The following GRIN2B variants were observed in gnomAD, a reference collection of about 807,000 sequenced individuals.
The protein encoded by GRIN2B is glutamate ionotropic receptor NMDA type subunit 2B.
In GRIN2B, 5 loss-of-function variants were observed where a neutral mutation model predicts 114.5. The ratio of observed to expected loss-of-function variants is 0.04; its 90% CI spans 0.02 to 0.09. GRIN2B has a LOEUF of 0.09. Among genes scored for constraint, GRIN2B ranks in the 10% least tolerant of loss-of-function variants. GRIN2B has a pLI of 1.00. For synonymous variants in GRIN2B, 787 were observed against 745.1 expected, an observed-to-expected ratio of 1.06 and a Z score of -0.92; for missense variants, 1,108 against 1,943.5, an observed-to-expected ratio of 0.57 and a Z score of 8.08.
At chr12:13,668,959 C>T (rs1389236692) in intron 5 of GRIN2B, among the ~76,000 whole-genome samples, 7 of 105,688 alleles carry the variant, frequency 6.6e-5, no homozygotes, top group Admixed American at 1.2e-4. Flanking sequence ...AAGAGAGGGG[C>T]GGTTGGAAGG....
intron 3 of GRIN2B, among the ~76,000 whole-genome samples, chr12:13,761,299 T>C (rs1863675886): frequency 6.6e-6 from 1 of 152,230 alleles, no homozygotes; most frequent in Admixed American, 6.5e-5. Flanking sequence ...CCTCCCTGAC[T>C]GAGTCTCTCT....
intron 12 of GRIN2B, among the ~76,000 whole-genome samples, chr12:13,568,451 C>G (rs1415818702): frequency 6.6e-6 from 1 of 152,192 alleles, no homozygotes; most frequent in Non-Finnish European, 1.5e-5. Context: ...CTTTGAGTGA[C>G]AGCTACACTA....
intron 3 of GRIN2B, among the ~76,000 whole-genome samples, chr12:13,813,089 G>A (rs867817572): frequency 1.3e-5 from 2 of 151,700 alleles, no homozygotes; most frequent in South Asian, 2.1e-4. Context: ...ACAGACGTCC[G>A]CCACCACTCC....
intron 3 of GRIN2B, among the ~76,000 whole-genome samples, chr12:13,821,520 G>A (rs1001599891): frequency 6.6e-6 from 1 of 152,180 alleles, no homozygotes; most frequent in African/African-American, 2.4e-5. Context: ...GGCCAGGTGA[G>A]CAATAGAATG....
chr12:13,600,588 A>T (rs149981304), intron 10 of GRIN2B, among the ~76,000 whole-genome samples: 1 of 152,198 alleles, frequency 6.6e-6, no homozygotes, highest in Non-Finnish European at 1.5e-5. Context: ...TTGATGAGAA[A>T]AGAGTTCCCT....
At chr12:13,752,333 G>C (rs747547967) in intron 4 of GRIN2B, among the ~76,000 whole-genome samples, 11 of 152,146 alleles carry the variant, frequency 7.2e-5, no homozygotes, top group Non-Finnish European at 1.5e-4. Context: ...CTATTGAACA[G>C]CAAGTATACT....
chr12:13,640,551 C>A (rs954418796), intron 5 of GRIN2B, among the ~76,000 whole-genome samples: 2 of 152,158 alleles, frequency 1.3e-5, no homozygotes, highest in African/African-American at 4.8e-5. Context: ...TGACTGGATT[C>A]TCCTCATGTT....
rs1189923469 is a variant in GRIN2B at position 13,551,303 on chromosome 12, T to A, written c.*11480A>T. On this transcript the variant is annotated 3_prime_UTR_variant, in exon 14 of 14. Transcript: ENST00000609686. ...ATGTGGGCACATGTGCGAATATGTA[T>A]GTATCTAAGCAACAGGACTGTCTGT... 1 of 152,166 alleles carries A rather than the reference T, an allele frequency of 6.6e-6. No individual in the cohort carries two copies. The highest frequency in any genetic ancestry group is 1.5e-5 in the Non-Finnish European group (1 of 68,042). 9.4% of individuals were successfully genotyped at this position (152,166 alleles called of 1,614,324 possible). A position where few individuals can be genotyped will look rare whatever the true frequency, so the allele number is the denominator to read the frequency against.
At chr12:13,758,762 T>C (rs1005165721) in intron 3 of GRIN2B, among the ~76,000 whole-genome samples, 1 of 152,208 alleles carries the variant, frequency 6.6e-6, no homozygotes, top group Non-Finnish European at 1.5e-5. Context: ...TATCTCCCCT[T>C]TGCTTTTATC....
At chr12:13,959,717 G>C (rs1845539451) in intron 2 of GRIN2B, among the ~76,000 whole-genome samples, 2 of 151,648 alleles carry the variant, frequency 1.3e-5, no homozygotes, top group Admixed American at 6.6e-5. Context: ...GATGCTGATT[G>C]AATGAAGGGA....
intron 2 of GRIN2B, among the ~76,000 whole-genome samples, chr12:13,972,767 G>A (rs775690170): frequency 6.6e-6 from 1 of 152,222 alleles, no homozygotes; most frequent in Non-Finnish European, 1.5e-5. Context: ...GTGACTGTCA[G>A]CATTATTGTT....
At chr12:13,822,632 T>C (rs1456515001) in intron 3 of GRIN2B, among the ~76,000 whole-genome samples, 1 of 152,110 alleles carries the variant, frequency 6.6e-6, no homozygotes, top group Non-Finnish European at 1.5e-5. Flanking sequence ...CATAAAACCA[T>C]ACAAAAACAC....
intron 4 of GRIN2B, among the ~76,000 whole-genome samples, chr12:13,711,373 G>A (rs1260379790): frequency 1.3e-5 from 2 of 151,920 alleles, no homozygotes; most frequent in Admixed American, 1.3e-4. Flanking sequence ...CCAAAATTGA[G>A]CAATGGGATC....
intron 3 of GRIN2B, 133 bp downstream of exon 3, chr12:13,865,665 G>C: frequency 2.5e-6 from 2 of 810,414 alleles, no homozygotes; most frequent in Non-Finnish European, 4.3e-6. Flanking sequence ...AGGATTAATT[G>C]CTGGCCTATC....
At chr12:13,881,804 C>T (rs904006106) in intron 2 of GRIN2B, among the ~76,000 whole-genome samples, 1 of 152,102 alleles carries the variant, frequency 6.6e-6, no homozygotes, top group African/African-American at 2.4e-5. Context: ...TGCCATACTA[C>T]ACTTTCCTTC....
intron 4 of GRIN2B, among the ~76,000 whole-genome samples, chr12:13,679,610 A>C (rs1950109545): frequency 6.6e-6 from 1 of 152,166 alleles, no homozygotes; most frequent in African/African-American, 2.4e-5. Flanking sequence ...TTCATCATTC[A>C]TATCTGTCAG....
intron 2 of GRIN2B, among the ~76,000 whole-genome samples, chr12:13,870,462 A>G (rs1865887720): frequency 6.6e-6 from 1 of 152,160 alleles, no homozygotes; most frequent in African/African-American, 2.4e-5. Flanking sequence ...CATGCTGGTA[A>G]CTGGTACAGG....
At chr12:13,969,557 T>C (rs1423794291) in intron 2 of GRIN2B, among the ~76,000 whole-genome samples, 2 of 152,238 alleles carry the variant, frequency 1.3e-5, no homozygotes, top group African/African-American at 4.8e-5. Context: ...GAAATTTGTC[T>C]CCAGCAAAGG....
intron 12 of GRIN2B, among the ~76,000 whole-genome samples, chr12:13,569,126 G>C (rs1948676293): frequency 6.6e-6 from 1 of 152,138 alleles, no homozygotes; most frequent in South Asian, 2.1e-4. Context: ...TATCCCTGAA[G>C]GTTTGATTAT....
Sources: allele counts gnomAD v4.1 joint callset (sites outside exome capture counted in the v4.1 genomes callset), GRCh38; gene constraint gnomAD v4.1.1; transcripts MANE v1.5; gene names NCBI Gene and HGNC (gene_info 2026-07-23, HGNC 2026-07-21).